CPEB2: variants seen among roughly 807,000 people sequenced by gnomAD.
CPEB2 encodes cytoplasmic polyadenylation element-binding protein 2.
In CPEB2, 56 loss-of-function variants were observed where a neutral mutation model predicts 93.6. That is an observed-to-expected ratio of 0.60 (90% CI 0.48 to 0.75). CPEB2 has a LOEUF of 0.75. Ranked by LOEUF, CPEB2 falls within the 30% of genes least tolerant of loss-of-function variation. CPEB2 has a pLI of 0.00. For synonymous variants in CPEB2, 764 were observed against 586.3 expected (o/e 1.30, Z -4.38); for missense variants, 1,579 against 1,395.1 (o/e 1.13, Z -2.10).
chr4:15,003,675 T>G lies in CPEB2; in HGVS notation c.1002T>G (p.Leu334=), dbSNP rs1722331799. The change falls in exon 1 of 12, where the codon CTT becomes CTG. Residue 334 remains leucine (L), a synonymous_variant. Transcript: ENST00000538197. The part of the protein sequence containing the change: ...SPSNLLPGGA[L]GAGAFSSLQS... ...GTAACCTCCTGCCCGGAGGTGCGCT[T>G]GGCGCGGGCGCCTTCAGCAGCCTGC... The G allele has an allele frequency of 3.4e-6, 5 of 1,457,216 alleles. No individual in the cohort carries two copies. The highest frequency in any genetic ancestry group is 4.5e-6 in the Non-Finnish European group (5 of 1,106,296). 90.3% of individuals were successfully genotyped at this position (1,457,216 alleles called of 1,614,324 possible).
chr4:15,011,354 G>A (rs1428866122), intron 3 of CPEB2, among the ~76,000 whole-genome samples: 2 of 152,016 alleles, frequency 1.3e-5, no homozygotes, highest in Non-Finnish European at 2.9e-5. Context: ...GCCCGCCTCG[G>A]CCTCCAGAGT....
chr4:15,033,009 T>G (rs1279344262), intron 4 of CPEB2, 152 bp from the exon 5 acceptor site: 2 of 551,476 alleles, frequency 3.6e-6, no homozygotes, highest in Non-Finnish European at 6.3e-6. Flanking sequence ...TAATATACTT[T>G]TAGTTGAACA....
At chr4:15,030,115 G>A (rs1163292853) in intron 4 of CPEB2, among the ~76,000 whole-genome samples, 1 of 151,982 alleles carries the variant, frequency 6.6e-6, no homozygotes, top group Non-Finnish European at 1.5e-5. Flanking sequence ...TGCACCACAG[G>A]TCTTTTAAAC....
intron 4 of CPEB2, 58 bp from the exon 5 acceptor site, chr4:15,033,103 T>G: frequency 7.9e-7 from 1 of 1,264,698 alleles, no homozygotes; most frequent in African/African-American, 1.5e-5. Flanking sequence ...TGTTTTTTTG[T>G]TTTTGCTTTT....
intron 4 of CPEB2, among the ~76,000 whole-genome samples, chr4:15,028,203 A>G (rs1421847366): frequency 2.0e-5 from 3 of 152,138 alleles, no homozygotes; most frequent in Non-Finnish European, 4.4e-5. Context: ...TAAAGAAAAA[A>G]TAGTTTAGAG....
intron 6 of CPEB2, among the ~76,000 whole-genome samples, chr4:15,051,683 A>C (rs959651725): frequency 6.6e-6 from 1 of 152,226 alleles, no homozygotes; most frequent in Non-Finnish European, 1.5e-5. Context: ...CCATGGTTAC[A>C]TATATAGATC....
intron 4 of CPEB2, among the ~76,000 whole-genome samples, chr4:15,018,914 CATT>C (rs1287747686): frequency 7.1e-6 from 1 of 140,316 alleles, no homozygotes; most frequent in African/African-American, 2.6e-5. Flanking sequence ...GAAATGGAAG[CATT>C]ATAAGGCTAA....
Position 15,002,928 on chromosome 4 carries a change from G to A in CPEB2, c.255G>A (p.Pro85=). The A allele has an allele frequency of 6.7e-7, 1 of 1,502,336 alleles. No homozygotes were observed. Among genetic ancestry groups the A allele is most frequent in the Non-Finnish European group, 8.8e-7 (1 of 1,134,168 alleles). The allele number at this position is 1,502,336 out of a possible 1,614,324, so 93.1% of individuals were successfully genotyped here. The part of the protein sequence containing the change: ...SPAAAASSSS[P]FLAHQQTMQD... Reference sequence around the variant, plus strand: ...CCGCCGCCGCTTCCTCTTCCTCCCCGTTCCTGGCGCATCAGCAGACCATGC... The same window carrying A: ...CCGCCGCCGCTTCCTCTTCCTCCCCATTCCTGGCGCATCAGCAGACCATGC... Residue 85 remains proline (P), a synonymous_variant, in exon 1 of 12, where the codon CCG becomes CCA. Coordinates refer to ENST00000538197, the MANE Select transcript of CPEB2 (RefSeq NM_001177382.2).
At position 15,007,493 on chromosome 4, in the gene CPEB2, T is replaced by A. The variant is rs2108954149; in HGVS notation, c.1851T>A (p.Phe617Leu). The A allele has an allele frequency of 6.2e-7, 1 of 1,614,164 alleles. No individual in the cohort carries two copies. Among genetic ancestry groups the A allele is most frequent in the East Asian group, 2.2e-5 (1 of 44,882 alleles). ...FSGNVIAPPK[F>L]TRSTPSLTPK... The stretch of plus-strand genomic sequence containing the variant: ...GTAATGTCATAGCACCACCGAAATT[T>A]ACTCGCTCAACTCCATCACTGACTC... Residue 617 changes from phenylalanine (F) to leucine (L), a missense_variant, in exon 2 of 12, where the codon TTT becomes TTA. Phe to Leu is a conservative substitution (Grantham distance 22). This residue lies in a region of CPEB2 where 1,411 missense variants were observed against 1,056.0 expected (regional missense o/e 1.34). Coordinates refer to ENST00000538197, the MANE Select transcript of CPEB2 (RefSeq NM_001177382.2).
In CPEB2 at chr4:15,004,146, C is replaced by G. The variant is rs763888753; in HGVS notation, c.1473C>G (p.Pro491=). ...GCGGCGGCGGCGGCTTCGGCGGCCCCTTCTCGGCTACCGCTGTGCCCCCTC... is the reference window on the plus strand; with the variant it reads ...GCGGCGGCGGCGGCTTCGGCGGCCCGTTCTCGGCTACCGCTGTGCCCCCTC... ...SGGGGGGFGG[P]FSATAVPPPP... is the part of the protein sequence containing the mutation. Residue 491 remains proline (P), a synonymous_variant, in exon 1 of 12, where the codon CCC becomes CCG. Coordinates refer to ENST00000538197, the MANE Select transcript of CPEB2 (RefSeq NM_001177382.2). 6.9e-7 allele frequency: 1 copy of G among 1,451,876 alleles called. No homozygotes were observed. Among genetic ancestry groups the G allele is most frequent in the Admixed American group, 2.3e-5 (1 of 43,908 alleles). 89.9% of individuals were successfully genotyped at this position (1,451,876 alleles called of 1,614,324 possible). A position where few individuals can be genotyped will look rare whatever the true frequency, so the allele number is the denominator to read the frequency against.
At chr4:15,041,816 A>C (rs758791380) in intron 6 of CPEB2, among the ~76,000 whole-genome samples, 1 of 152,176 alleles carries the variant, frequency 6.6e-6, no homozygotes, top group Non-Finnish European at 1.5e-5. Flanking sequence ...TTATATTCTT[A>C]AGTGGTCCCA....
intron 4 of CPEB2, among the ~76,000 whole-genome samples, chr4:15,021,836 T>C (rs1269728769): frequency 6.6e-6 from 1 of 152,170 alleles, no homozygotes; most frequent in African/African-American, 2.4e-5. Context: ...GCTAAACTCC[T>C]ATTTTTTAAG....
chr4:15,017,357 A>AAG, intron 4 of CPEB2, 79 bp downstream of exon 4: 1 of 666,620 alleles, frequency 1.5e-6, no homozygotes, highest in South Asian at 1.9e-5. Flanking sequence ...ATGAAAGTGA[A>AAG]ACCTAAGTAG....
intron 10 of CPEB2, 68 bp downstream of exon 10, chr4:15,059,369 G>A (rs180925245): frequency 3.4e-5 from 35 of 1,036,012 alleles, no homozygotes; most frequent in Middle Eastern, 2.8e-4. Flanking sequence ...TTTAATAAAC[G>A]TTTGGAAGCT....
In CPEB2 at chr4:15,002,600, AC is replaced by A; in HGVS notation, c.-70del. The A allele has an allele frequency of 7.8e-7, 1 of 1,289,814 alleles. No individual in the cohort carries two copies. Among genetic ancestry groups the A allele is most frequent in the Non-Finnish European group, 1.0e-6 (1 of 972,430 alleles). 79.9% of individuals were successfully genotyped at this position (1,289,814 alleles called of 1,614,324 possible). Reference sequence around the variant, plus strand: ...CCCCTCCTTCCACCACGGCCGCGCAACCCCAGCGCCGGCGGCTTCCTAGGTG... The same window carrying A: ...CCCCTCCTTCCACCACGGCCGCGCAACCCAGCGCCGGCGGCTTCCTAGGTG... On this transcript the variant is annotated 5_prime_UTR_variant, in exon 1 of 12. Transcript: ENST00000538197.
At chr4:15,040,154 G>A (rs1404056371) in intron 5 of CPEB2, among the ~76,000 whole-genome samples, 2 of 152,078 alleles carry the variant, frequency 1.3e-5, no homozygotes, top group Non-Finnish European at 2.9e-5. Context: ...ACCGCAAAGT[G>A]TTGTATATTT....
chr4:15,035,238 G>A (rs1255499432), intron 5 of CPEB2, among the ~76,000 whole-genome samples: 5 of 151,810 alleles, frequency 3.3e-5, no homozygotes, highest in Admixed American at 3.3e-4. Flanking sequence ...TGTAATAGTA[G>A]CTAGCTCATA....
At chr4:15,036,073 A>G (rs774142225) in intron 5 of CPEB2, among the ~76,000 whole-genome samples, 4 of 152,208 alleles carry the variant, frequency 2.6e-5, no homozygotes, top group Non-Finnish European at 5.9e-5. Context: ...TAAAGAGAAA[A>G]TGGGATAAAA....
intron 1 of CPEB2, among the ~76,000 whole-genome samples, chr4:15,005,803 A>G (rs1722741354): frequency 6.6e-6 from 1 of 152,226 alleles, no homozygotes; most frequent in Non-Finnish European, 1.5e-5. Flanking sequence ...GAGGATTGAA[A>G]ATAGGGATTT....
Sources: allele counts gnomAD v4.1 joint callset (sites outside exome capture counted in the v4.1 genomes callset), GRCh38; gene constraint gnomAD v4.1.1; regional missense constraint gnomAD v4.1.1; transcripts MANE v1.5; gene names NCBI Gene and HGNC (gene_info 2026-07-23, HGNC 2026-07-21).